The following SCHIP1 variants were observed in gnomAD, a reference collection of about 807,000 sequenced individuals.
SCHIP1 encodes schwannomin-interacting protein 1.
In SCHIP1, 8 loss-of-function variants were observed where a neutral mutation model predicts 29.7. The ratio of observed to expected loss-of-function variants is 0.27; its 90% CI spans 0.16 to 0.49. The LOEUF (loss-of-function observed/expected upper bound fraction) is 0.49. Ranked by LOEUF, SCHIP1 falls within the 20% of genes least tolerant of loss-of-function variation. The pLI, the probability that SCHIP1 is intolerant of heterozygous loss-of-function variation, is 0.99. For synonymous variants in SCHIP1, 76 were observed against 94.9 expected (o/e 0.80, Z 1.16); for missense variants, 193 against 294.6 (o/e 0.66, Z 2.52).
the SCHIP1 span, among the ~76,000 whole-genome samples, chr3:159,533,406 C>T: frequency 6.6e-6 from 1 of 152,116 alleles, no homozygotes; most frequent in African/African-American, 2.4e-5. Context: ...CCCAACCCTG[C>T]AGGGTTGGCA....
chr3:159,453,510 A>G, the SCHIP1 span, among the ~76,000 whole-genome samples: 1 of 152,144 alleles, frequency 6.6e-6, no homozygotes, highest in African/African-American at 2.4e-5. Flanking sequence ...TGCTGCTTTC[A>G]CTTAGCTGTG....
At chr3:159,886,354 G>A (rs761439003) in intron 3 of SCHIP1, 30 bp downstream of exon 4, 14 of 1,600,272 alleles carry the variant, frequency 8.7e-6, no homozygotes, top group East Asian at 4.5e-5. Flanking sequence ...GCTGAAGCTC[G>A]GTGTTGTGAT....
At chr3:159,533,987 C>A in the SCHIP1 span, among the ~76,000 whole-genome samples, 6 of 152,304 alleles carry the variant, frequency 3.9e-5, no homozygotes, top group South Asian at 1.2e-3. Flanking sequence ...AAGAAGCTAA[C>A]CCTGCCTCCT....
chr3:159,733,608 G>T, the SCHIP1 span, among the ~76,000 whole-genome samples: 5 of 152,146 alleles, frequency 3.3e-5, no homozygotes, highest in African/African-American at 1.2e-4. Flanking sequence ...GAACAAGAAG[G>T]CTGGATTAAA....
At chr3:159,671,504 A>G in the SCHIP1 span, among the ~76,000 whole-genome samples, 3 of 152,154 alleles carry the variant, frequency 2.0e-5, no homozygotes, top group East Asian at 1.9e-4. Flanking sequence ...TATCTCATAA[A>G]CCCAAGAGTG....
the SCHIP1 span, among the ~76,000 whole-genome samples, chr3:159,281,142 T>C: frequency 3.3e-5 from 5 of 152,210 alleles, no homozygotes; most frequent in African/African-American, 1.2e-4. Flanking sequence ...CTATTGCTTA[T>C]GCAAAAGTCG....
the SCHIP1 span, among the ~76,000 whole-genome samples, chr3:159,325,851 T>C: frequency 6.6e-6 from 1 of 152,052 alleles, no homozygotes; most frequent in Non-Finnish European, 1.5e-5. Context: ...ACTATCATCC[T>C]CCTAAAATGC....
the SCHIP1 span, among the ~76,000 whole-genome samples, chr3:159,735,672 C>CA: frequency 6.6e-6 from 1 of 152,056 alleles, no homozygotes; most frequent in Non-Finnish European, 1.5e-5. Flanking sequence ...TGTGTATGAC[C>CA]CAAAAAAATT....
chr3:159,538,349 T>C, the SCHIP1 span, among the ~76,000 whole-genome samples: 2 of 152,146 alleles, frequency 1.3e-5, no homozygotes, highest in African/African-American at 2.4e-5. Flanking sequence ...TGACTTTTAT[T>C]CCCCTTGTTA....
chr3:159,426,052 G>T, the SCHIP1 span, among the ~76,000 whole-genome samples: 5 of 152,002 alleles, frequency 3.3e-5, no homozygotes, highest in African/African-American at 1.2e-4. Context: ...AGTGTGTAGA[G>T]GGAAATTTAT....
At chr3:159,347,265 T>G in the SCHIP1 span, among the ~76,000 whole-genome samples, 4 of 152,206 alleles carry the variant, frequency 2.6e-5, no homozygotes, top group Non-Finnish European at 5.9e-5. Context: ...ACTTTCTCCT[T>G]GTTCAGCAGA....
chr3:159,704,417 T>TAAAAAAAA, the SCHIP1 span, among the ~76,000 whole-genome samples: 159 of 92,634 alleles, frequency 1.7e-3, 2 homozygotes, highest in African/African-American at 6.3e-3. Flanking sequence ...CAATTTTTTC[T>TAAAAAAAA]AAAAAAAAAA....
chr3:159,508,621 C>T, the SCHIP1 span, among the ~76,000 whole-genome samples: 5 of 152,278 alleles, frequency 3.3e-5, no homozygotes, highest in South Asian at 6.2e-4. Flanking sequence ...GTAAATTTCC[C>T]GCTACACACT....
the SCHIP1 span, among the ~76,000 whole-genome samples, chr3:159,524,464 A>G: frequency 6.6e-6 from 1 of 152,268 alleles, no homozygotes; most frequent in Non-Finnish European, 1.5e-5. Context: ...TATTGCTCCA[A>G]TCAAGGGAAT....
At chr3:159,492,594 G>A in the SCHIP1 span, among the ~76,000 whole-genome samples, 2 of 152,198 alleles carry the variant, frequency 1.3e-5, no homozygotes, top group Non-Finnish European at 2.9e-5. Flanking sequence ...AGAAATATGG[G>A]ACTATTTGAA....
chr3:159,362,977 G>A, the SCHIP1 span, among the ~76,000 whole-genome samples: 9 of 152,192 alleles, frequency 5.9e-5, no homozygotes. Context: ...CATGAGCAAG[G>A]AAGGGTGGTT....
the SCHIP1 span, among the ~76,000 whole-genome samples, chr3:159,588,170 G>A: frequency 5.3e-5 from 8 of 152,324 alleles, no homozygotes; most frequent in Non-Finnish European, 1.2e-4. Flanking sequence ...TCTAACTGGT[G>A]TAAGATGGTA....
At chr3:159,422,449 T>C in the SCHIP1 span, among the ~76,000 whole-genome samples, 1 of 152,220 alleles carries the variant, frequency 6.6e-6, no homozygotes, top group Admixed American at 6.5e-5. Flanking sequence ...TTAATACTAC[T>C]GTTTATTAAA....
At chr3:159,506,516 G>C in the SCHIP1 span, among the ~76,000 whole-genome samples, 1 of 152,172 alleles carries the variant, frequency 6.6e-6, no homozygotes, top group South Asian at 2.1e-4. Context: ...ATTGCTTTTG[G>C]TGTTTTAGAC....
Sources: allele counts gnomAD v4.1 joint callset (sites outside exome capture counted in the v4.1 genomes callset), GRCh38; gene constraint gnomAD v4.1.1; transcripts MANE v1.5; gene names NCBI Gene and HGNC (gene_info 2026-07-23, HGNC 2026-07-21).